POU6F2: variants seen among roughly 807,000 people sequenced by gnomAD.
POU6F2 encodes POU domain, class 6, transcription factor 2.
A neutral mutation model predicts 71.3 loss-of-function variants in POU6F2; 31 were observed. The ratio of observed to expected loss-of-function variants is 0.43; its 90% confidence interval spans 0.33 to 0.59. The LOEUF is 0.59. Ranked by LOEUF, POU6F2 falls within the 20% of genes least tolerant of loss-of-function variation. The pLI is 0.04. For missense variants in POU6F2, 783 were observed against 856.8 expected, an observed-to-expected ratio of 0.91 and a Z score of 1.07; for synonymous variants, 347 against 355.7, an observed-to-expected ratio of 0.98 and a Z score of 0.27.
At chr7:39,320,251 C>T (rs973396225) in intron 4 of POU6F2, among the ~76,000 whole-genome samples, 1 of 152,124 alleles carries the variant, frequency 6.6e-6, no homozygotes, top group Non-Finnish European at 1.5e-5. Flanking sequence ...TCTGAATCTC[C>T]GTCAGAAGAC....
intron 7 of POU6F2, among the ~76,000 whole-genome samples, 156 bp downstream of exon 7, chr7:39,433,439 C>T (rs1330541779): frequency 1.3e-5 from 2 of 152,144 alleles, no homozygotes; most frequent in Non-Finnish European, 2.9e-5. Flanking sequence ...GCATGTAACT[C>T]TTTTTCATTC....
Position 39,207,619 on chromosome 7 carries a change from A to G in POU6F2, c.597A>G (p.Gln199=). ...TGACTCTGCCACTGCAAAATCTACAAGGTAATCCATAATGTCCATGCGCCA... is the reference window on the plus strand; with the variant it reads ...TGACTCTGCCACTGCAAAATCTACAGGGTAATCCATAATGTCCATGCGCCA... ...GIMTLPLQNL[Q]ATSSLNSQLQ... is the part of the protein sequence containing the mutation. Residue 199 remains glutamine (Q), a splice_region_variant and synonymous_variant, in exon 4 of 10, where the codon CAA becomes CAG. Coordinates refer to ENST00000518318, the MANE Select transcript of POU6F2 (RefSeq NM_001370959.1). The G allele has an allele frequency of 1.2e-6, 2 of 1,613,116 alleles. No individual in the cohort carries two copies. Among genetic ancestry groups the G allele is most frequent in the Non-Finnish European group, 1.7e-6 (2 of 1,179,324 alleles).
intron 4 of POU6F2, among the ~76,000 whole-genome samples, chr7:39,269,272 T>G (rs182680800): frequency 1.3e-5 from 2 of 152,306 alleles, no homozygotes; most frequent in Non-Finnish European, 1.5e-5. Context: ...CACACAGCCT[T>G]CACCTCAAGC....
intron 1 of POU6F2, chr7:39,013,068 TCCCGGCTG>T (rs1562668668): frequency 6.6e-6 from 1 of 152,278 alleles, no homozygotes; most frequent in Non-Finnish European, 1.5e-5. Context: ...AGTTCGAGCT[TCCCGGCTG>T]CTTTGTTTAC....
chr7:39,096,209 A>G lies in POU6F2; in HGVS notation c.277+10178A>G, dbSNP rs1791452103. Among the ~76,000 whole-genome samples the G allele has an allele frequency of 2.0e-5, 3 of 152,262 alleles. 1 individual carries two copies. The South Asian group carries it at 6.2e-4, about 32-fold the overall frequency. On this transcript the variant is annotated intron_variant, in intron 2 of 9. Coordinates refer to ENST00000518318, the MANE Select transcript of POU6F2 (RefSeq NM_001370959.1). ...ACTTCCACATGAGCTCTCAAAACCC[A>G]TAAAAGTGTGGCATGTAAAGTAAAT...
At chr7:39,015,692 A>AT (rs1562670378) in intron 1 of POU6F2, among the ~76,000 whole-genome samples, 7 of 100,462 alleles carry the variant, frequency 7.0e-5, no homozygotes, top group African/African-American at 2.4e-4. Flanking sequence ...TTATATATCT[A>AT]TATATTATAT....
chr7:39,455,973 C>G (rs1788792566), intron 8 of POU6F2, among the ~76,000 whole-genome samples: 1 of 152,142 alleles, frequency 6.6e-6, no homozygotes, highest in Non-Finnish European at 1.5e-5. Flanking sequence ...AGCCTAAGTC[C>G]CCAGGCCAGT....
At chr7:39,164,647 A>C (rs1171028141) in intron 2 of POU6F2, among the ~76,000 whole-genome samples, 2 of 151,872 alleles carry the variant, frequency 1.3e-5, no homozygotes, top group Non-Finnish European at 2.9e-5. Flanking sequence ...GCACTGAAGC[A>C]GGGTGGAGTT....
At chr7:39,215,063 G>T (rs914586556) in intron 4 of POU6F2, among the ~76,000 whole-genome samples, 1 of 152,198 alleles carries the variant, frequency 6.6e-6, no homozygotes, top group African/African-American at 2.4e-5. Flanking sequence ...GCAGGAAGGA[G>T]GCCGAAAGTG....
chr7:39,464,916 A>G lies in POU6F2; in HGVS notation c.*230A>G. On this transcript the variant is annotated 3_prime_UTR_variant, in exon 10 of 10. Transcript: ENST00000518318. This position sits in a 1 kb window ranked among gnomAD's most constrained non-coding sequence, Gnocchi z 4.1. ...AAAATTTTTAGAAAATTTTTAAACA[A>G]GGAATACACCACACTGAAGGTGTGT... 1 of 581,670 alleles carries G rather than the reference A, an allele frequency of 1.7e-6. No individual in the cohort carries two copies. Among genetic ancestry groups the G allele is most frequent in the East Asian group, 3.0e-5 (1 of 33,382 alleles). The allele number at this position is 581,670 out of a possible 1,614,324, so 36.0% of individuals were successfully genotyped here.
chr7:39,099,300 C>T (rs191442093), intron 2 of POU6F2, among the ~76,000 whole-genome samples: 28 of 152,370 alleles, frequency 1.8e-4, no homozygotes, highest in Non-Finnish European at 3.2e-4. Flanking sequence ...AAATGCCTTT[C>T]TCCCTGGTGG....
intron 1 of POU6F2, among the ~76,000 whole-genome samples, chr7:39,026,676 A>G (rs552481804): frequency 4.8e-4 from 73 of 152,228 alleles, no homozygotes; most frequent in African/African-American, 1.7e-3. Flanking sequence ...GGTGCAGCAC[A>G]CCAGCATGGC....
chr7:39,097,524 G>T (rs184690391), intron 2 of POU6F2, among the ~76,000 whole-genome samples: 2 of 152,318 alleles, frequency 1.3e-5, no homozygotes, highest in East Asian at 3.9e-4. Flanking sequence ...AAACAAAGGA[G>T]AGGTACATAT....
At chr7:39,452,989 C>A (rs74956500) in intron 8 of POU6F2, among the ~76,000 whole-genome samples, 1 of 152,078 alleles carries the variant, frequency 6.6e-6, no homozygotes, top group South Asian at 2.1e-4. Context: ...CTACTCAGGG[C>A]GCTGAAACAG....
chr7:39,238,695 CCT>C (rs1290577007), intron 4 of POU6F2, among the ~76,000 whole-genome samples: 1 of 152,086 alleles, frequency 6.6e-6, no homozygotes, highest in Non-Finnish European at 1.5e-5. Flanking sequence ...GTGACCATGC[CCT>C]GTTTGGAGGT....
chr7:39,210,109 AC>A (rs1794108505), intron 4 of POU6F2, among the ~76,000 whole-genome samples: 1 of 152,114 alleles, frequency 6.6e-6, no homozygotes, highest in Admixed American at 6.5e-5. Context: ...GTCTTTAAAA[AC>A]AACTCTTAAG....
At chr7:39,255,407 A>G (rs372171038) in intron 4 of POU6F2, among the ~76,000 whole-genome samples, 1 of 152,220 alleles carries the variant, frequency 6.6e-6, no homozygotes, top group Non-Finnish European at 1.5e-5. Flanking sequence ...CCTCATGGAA[A>G]GAAGACACTT....
intron 4 of POU6F2, among the ~76,000 whole-genome samples, chr7:39,254,467 T>TA (rs1465755035): frequency 4.6e-5 from 7 of 152,222 alleles, no homozygotes; most frequent in Non-Finnish European, 1.0e-4. Flanking sequence ...CCATTATAAA[T>TA]ACTAATGAGG....
At chr7:39,404,742 T>C (rs909984462) in intron 5 of POU6F2, 14 of 152,158 alleles carry the variant, frequency 9.2e-5, no homozygotes, top group African/African-American at 3.1e-4. Flanking sequence ...GCAGTGTCTG[T>C]ACCGGCAGTT....
Sources: gnomAD v4.1 joint callset for allele counts (sites outside exome capture counted in the v4.1 genomes callset) on GRCh38, gnomAD v4.1.1 for gene constraint, Gnocchi (gnomAD v3.1) non-coding constraint, MANE v1.5 for transcripts, NCBI Gene and HGNC (gene_info 2026-07-23, HGNC 2026-07-21) for gene names.